SMARCC1: variants seen among roughly 807,000 people sequenced by gnomAD.
SMARCC1 encodes SWI/SNF complex subunit SMARCC1.
A neutral mutation model predicts 147.4 loss-of-function variants in SMARCC1; 43 were observed. That is an observed-to-expected ratio of 0.29 (90% CI 0.23 to 0.38). The LOEUF (loss-of-function observed/expected upper bound fraction) is 0.38, where lower values mean the gene tolerates loss of function less well. Among genes scored for constraint, SMARCC1 ranks in the 10% least tolerant of loss-of-function variants. The pLI, the probability that SMARCC1 is intolerant of heterozygous loss-of-function variation, is 1.00. For missense variants in SMARCC1, 1,119 were observed against 1,381.1 expected, an observed-to-expected ratio of 0.81 and a Z score of 3.01; for synonymous variants, 495 against 484.4, an observed-to-expected ratio of 1.02 and a Z score of -0.29.
intron 8 of SMARCC1, 67 bp from the exon 9 acceptor site, chr3:47,710,875 A>G (rs569698144): frequency 8.3e-6 from 11 of 1,332,846 alleles, no homozygotes; most frequent in Non-Finnish European, 1.1e-5. Flanking sequence ...TACAGTATTG[A>G]GAAGGAAACA....
chr3:47,602,291 CA>C (rs1217269683), intron 26 of SMARCC1, among the ~76,000 whole-genome samples: 1 of 151,668 alleles, frequency 6.6e-6, no homozygotes, highest in African/African-American at 2.4e-5. Context: ...AACCCTGTCT[CA>C]AAAAAAAGTT....
At chr3:47,617,788 C>T (rs2032666637) in intron 25 of SMARCC1, among the ~76,000 whole-genome samples, 1 of 152,196 alleles carries the variant, frequency 6.6e-6, no homozygotes, top group Non-Finnish European at 1.5e-5. Context: ...TGCCAACGAT[C>T]CTGCTTTCTA....
intron 20 of SMARCC1, 102 bp from the exon 21 acceptor site, chr3:47,661,557 G>C: frequency 1.1e-6 from 1 of 890,256 alleles, no homozygotes. Context: ...TATTGTCTTA[G>C]GTGTAGCAAC....
chr3:47,745,645 G>T (rs569583705), intron 3 of SMARCC1, among the ~76,000 whole-genome samples: 1 of 152,088 alleles, frequency 6.6e-6, no homozygotes, highest in Non-Finnish European at 1.5e-5. Context: ...TCTGATGCGC[G>T]GGATGCAGTG....
chr3:47,676,601 G>A, intron 17 of SMARCC1, 28 bp downstream of exon 17: 1 of 1,595,706 alleles, frequency 6.3e-7, no homozygotes, highest in Non-Finnish European at 8.6e-7. Flanking sequence ...TACTATCCAG[G>A]TCTGATGAAA....
At chr3:47,594,565 C>T (rs1403581056) in intron 26 of SMARCC1, among the ~76,000 whole-genome samples, 1 of 151,892 alleles carries the variant, frequency 6.6e-6, no homozygotes, top group African/African-American at 2.4e-5. Flanking sequence ...TAAAGGCATA[C>T]GAGGGATGAG....
At chr3:47,679,016 A>T (rs1252667649) in intron 15 of SMARCC1, among the ~76,000 whole-genome samples, 1 of 152,228 alleles carries the variant, frequency 6.6e-6, no homozygotes, top group Non-Finnish European at 1.5e-5. Flanking sequence ...AAAAGAACAT[A>T]CAAAAATGGA....
chr3:47,693,061 T>C (rs1351641707), intron 12 of SMARCC1, among the ~76,000 whole-genome samples, 180 bp downstream of exon 12: 1 of 152,012 alleles, frequency 6.6e-6, no homozygotes, highest in African/African-American at 2.4e-5. Context: ...TCCGAACTAC[T>C]TGGAAGACTA....
At chr3:47,747,217 T>C (rs2034573718) in intron 2 of SMARCC1, among the ~76,000 whole-genome samples, 1 of 151,738 alleles carries the variant, frequency 6.6e-6, no homozygotes, top group African/African-American at 2.4e-5. Flanking sequence ...GCAGATGGCT[T>C]GAGCACAGGA....
chr3:47,654,760 C>T lies in SMARCC1; in HGVS notation c.2320+6534G>A, dbSNP rs1054170010. Among the ~76,000 whole-genome samples, 6 of 152,110 alleles carry T rather than the reference C, an allele frequency of 3.9e-5. No homozygotes were observed. The South Asian group carries it at 6.2e-4, about 16-fold the overall frequency. On this transcript the variant is annotated intron_variant, in intron 21 of 27. Coordinates refer to ENST00000254480, the MANE Select transcript of SMARCC1 (RefSeq NM_003074.4). ...GAAATTATAACAACCCACTCTGAGG[C>T]GAATGAATCCATTACTGGGATAACT...
chr3:47,677,884 C>T (rs1258293002), intron 16 of SMARCC1, among the ~76,000 whole-genome samples: 1 of 152,086 alleles, frequency 6.6e-6, no homozygotes, highest in African/African-American at 2.4e-5. Context: ...GAACACAGTG[C>T]TCATGCCTGC....
intron 2 of SMARCC1, among the ~76,000 whole-genome samples, chr3:47,770,274 T>A (rs1372192372): frequency 6.6e-6 from 1 of 151,420 alleles, no homozygotes; most frequent in East Asian, 1.9e-4. Flanking sequence ...ATACCAGTAA[T>A]CCCAGGACTT....
At chr3:47,674,129 C>T (rs991249710) in intron 18 of SMARCC1, among the ~76,000 whole-genome samples, 3 of 152,164 alleles carry the variant, frequency 2.0e-5, no homozygotes, top group Non-Finnish European at 4.4e-5. Flanking sequence ...ATTTAATCTC[C>T]TTCTGCCTTT....
chr3:47,772,799 G>A lies in SMARCC1; in HGVS notation c.315+18C>T. On this transcript the variant is annotated intron_variant, in intron 2 of 27. Coordinates refer to ENST00000254480, the MANE Select transcript of SMARCC1 (RefSeq NM_003074.4). Reference sequence around the variant, plus strand: ...AGCAACTGAGGATGCCCAAATAACAGTAAGCTGATGTACTTACAGGGAGTT... The same window carrying A: ...AGCAACTGAGGATGCCCAAATAACAATAAGCTGATGTACTTACAGGGAGTT... 1 of 1,602,756 alleles carries A rather than the reference G, an allele frequency of 6.2e-7. No homozygotes were observed.
chr3:47,623,330 T>C (rs1199929745), intron 24 of SMARCC1, among the ~76,000 whole-genome samples: 1 of 151,838 alleles, frequency 6.6e-6, no homozygotes, highest in African/African-American at 2.4e-5. Flanking sequence ...TAGCATGGAG[T>C]GGCTATTTTA....
intron 11 of SMARCC1, among the ~76,000 whole-genome samples, chr3:47,696,439 C>T (rs910152081): frequency 8.6e-5 from 13 of 151,900 alleles, no homozygotes; most frequent in African/African-American, 2.2e-4. Flanking sequence ...TCAAAAACGG[C>T]ACAACATATG....
At chr3:47,740,226 C>T (rs563388163) in intron 3 of SMARCC1, among the ~76,000 whole-genome samples, 7 of 127,472 alleles carry the variant, frequency 5.5e-5, no homozygotes, top group Non-Finnish European at 8.1e-5. Flanking sequence ...GACAGACTCT[C>T]GCCCTGTCGT....
At chr3:47,775,311 C>T (rs1226804554) in intron 1 of SMARCC1, among the ~76,000 whole-genome samples, 1 of 151,180 alleles carries the variant, frequency 6.6e-6, no homozygotes, top group Admixed American at 6.6e-5. Context: ...CAGGCGCCCA[C>T]CACCACGCCT....
intron 12 of SMARCC1, among the ~76,000 whole-genome samples, chr3:47,691,151 T>A: frequency 6.6e-6 from 1 of 152,272 alleles, no homozygotes; most frequent in East Asian, 1.9e-4. Flanking sequence ...ATTAATAATA[T>A]CCCTAATATT....
Sources: allele counts gnomAD v4.1 joint callset (sites outside exome capture counted in the v4.1 genomes callset), GRCh38; gene constraint gnomAD v4.1.1; transcripts MANE v1.5; gene names NCBI Gene and HGNC (gene_info 2026-07-23, HGNC 2026-07-21).